Variants in FBXO36 observed in about 807,000 individuals in gnomAD.
FBXO36 encodes the protein F-box only protein 36.
Under a neutral mutation model 17.0 loss-of-function variants are expected in FBXO36, and 18 were observed. That is an observed-to-expected ratio of 1.06 (90% confidence interval 0.73 to 1.57). The LOEUF is 1.57. FBXO36 is among the 40% of genes most tolerant of loss of function. The pLI is 0.00. For missense variants in FBXO36, 229 were observed against 221.9 expected (o/e 1.03, Z -0.20); for synonymous variants, 83 against 85.3 (o/e 0.97, Z 0.15).
At chr2:229,997,520 G>A (rs1020579697) in intron 3 of FBXO36, among the ~76,000 whole-genome samples, 12 of 151,270 alleles carry the variant, frequency 7.9e-5, no homozygotes, top group Admixed American at 7.9e-4. Context: ...GGAGGTTGCA[G>A]TGAGCCAAGA....
At chr2:229,938,771 T>C (rs867839019) in intron 1 of FBXO36, among the ~76,000 whole-genome samples, 289 of 107,080 alleles carry the variant, frequency 2.7e-3, no homozygotes, top group Non-Finnish European at 4.2e-3. Context: ...TTTTTTTTTT[T>C]CCCCCGAGGC....
At chr2:229,923,106 C>G (rs576486970) in intron 1 of FBXO36, 1 of 154,344 alleles carries the variant, frequency 6.5e-6, no homozygotes, top group African/African-American at 2.4e-5. Flanking sequence ...CACATCAAAA[C>G]TTAGTTATTT....
rs537130862 is a variant in FBXO36, at chr2:229,923,806, A to G, written c.96+1197A>G. Among the ~76,000 whole-genome samples, 12 of 149,322 alleles carry G rather than the reference A, an allele frequency of 8.0e-5. No individual in the cohort carries two copies. The East Asian group carries it at 2.3e-3, about 29-fold the overall frequency. On this transcript the variant is annotated intron_variant, in intron 1 of 3. Coordinates refer to ENST00000283946, the MANE Select transcript of FBXO36 (RefSeq NM_174899.5). ...TTTTGCACATTTAGTGATGTATGAA[A>G]TACTGAAAGGTATCCTTTTCTGTAC...
intron 3 of FBXO36, among the ~76,000 whole-genome samples, chr2:230,002,790 C>A (rs1017669264): frequency 6.6e-6 from 1 of 152,122 alleles, no homozygotes; most frequent in African/African-American, 2.4e-5. Flanking sequence ...CTCAGCAAAC[C>A]AGCAGCATTA....
intron 1 of FBXO36, among the ~76,000 whole-genome samples, chr2:229,967,216 C>T (rs1412910651): frequency 2.0e-5 from 3 of 152,120 alleles, no homozygotes; most frequent in Non-Finnish European, 2.9e-5. Flanking sequence ...GTGATTTTTG[C>T]ACATTGATTT....
chr2:229,978,024 G>T (rs1334428436), intron 2 of FBXO36, among the ~76,000 whole-genome samples: 1 of 152,096 alleles, frequency 6.6e-6, no homozygotes, highest in Non-Finnish European at 1.5e-5. Context: ...GGCCAATGTG[G>T]AAGGATTAGT....
chr2:229,942,316 C>T (rs1470694479), intron 1 of FBXO36, among the ~76,000 whole-genome samples: 2 of 152,174 alleles, frequency 1.3e-5, no homozygotes, highest in Non-Finnish European at 2.9e-5. Flanking sequence ...CCGCTGTGTA[C>T]CACCCTCTGT....
At chr2:229,962,365 C>G (rs897151874) in intron 1 of FBXO36, among the ~76,000 whole-genome samples, 7 of 151,568 alleles carry the variant, frequency 4.6e-5, no homozygotes, top group African/African-American at 1.7e-4. Flanking sequence ...GGATCTTGCT[C>G]TGTCATTAAG....
chr2:229,961,860 G>C (rs2077123208), intron 1 of FBXO36, among the ~76,000 whole-genome samples: 1 of 152,024 alleles, frequency 6.6e-6, no homozygotes. Context: ...TGGCTTTAGG[G>C]CCATCAATAA....
chr2:229,928,303 T>G (rs1194472133), intron 1 of FBXO36, among the ~76,000 whole-genome samples: 2 of 152,212 alleles, frequency 1.3e-5, no homozygotes, highest in Non-Finnish European at 2.9e-5. Context: ...ACATAGCATA[T>G]CCTACTTTTT....
At chr2:229,966,768 G>A (rs1368134485) in intron 1 of FBXO36, among the ~76,000 whole-genome samples, 3 of 152,160 alleles carry the variant, frequency 2.0e-5, no homozygotes, top group Non-Finnish European at 4.4e-5. Context: ...GTACCATGCT[G>A]TTTTGGTTAC....
intron 1 of FBXO36, among the ~76,000 whole-genome samples, chr2:229,959,564 G>A (rs989250295): frequency 6.6e-6 from 1 of 152,132 alleles, no homozygotes; most frequent in African/African-American, 2.4e-5. Flanking sequence ...TGCCAAAGTA[G>A]GCTGGGCGCG....
At chr2:230,001,624 A>G (rs771489132) in intron 3 of FBXO36, among the ~76,000 whole-genome samples, 75 of 152,128 alleles carry the variant, frequency 4.9e-4, no homozygotes, top group Non-Finnish European at 7.9e-4. Context: ...TTATTAATGA[A>G]AAAAAGGCTT....
At chr2:229,951,984 C>T (rs1275060362) in intron 1 of FBXO36, among the ~76,000 whole-genome samples, 1 of 151,938 alleles carries the variant, frequency 6.6e-6, no homozygotes, top group East Asian at 1.9e-4. Flanking sequence ...ATGGCTATAA[C>T]TTGGTGAAAA....
intron 1 of FBXO36, among the ~76,000 whole-genome samples, chr2:229,971,388 A>AG (rs1329368705): frequency 6.6e-6 from 1 of 151,840 alleles, no homozygotes; most frequent in Non-Finnish European, 1.5e-5. Context: ...CAAACAAAAA[A>AG]CAAGTGATAA....
chr2:229,944,819 TC>T (rs1192397524), intron 1 of FBXO36, among the ~76,000 whole-genome samples: 1 of 152,062 alleles, frequency 6.6e-6, no homozygotes, highest in Non-Finnish European at 1.5e-5. Flanking sequence ...GGTCTCAATC[TC>T]CTGACCTCGT....
At chr2:229,991,122 G>C (rs2077295641) in intron 2 of FBXO36, among the ~76,000 whole-genome samples, 1 of 152,100 alleles carries the variant, frequency 6.6e-6, no homozygotes, top group African/African-American at 2.4e-5. Context: ...TTTTAATAGA[G>C]ATGGGGTTTC....
intron 1 of FBXO36, among the ~76,000 whole-genome samples, chr2:229,923,845 TTG>T (rs1232304911): frequency 5.1e-4 from 69 of 136,212 alleles, no homozygotes; most frequent in East Asian, 2.6e-3. Flanking sequence ...TTTTTTGGTG[TTG>T]TTTTTTTTTT....
chr2:229,966,784 C>T (rs2077155433), intron 1 of FBXO36, among the ~76,000 whole-genome samples: 1 of 152,086 alleles, frequency 6.6e-6, no homozygotes, highest in Non-Finnish European at 1.5e-5. Context: ...GTTACTGTAG[C>T]CTTGTAGTAT....
Sources: allele counts gnomAD v4.1 joint callset (sites outside exome capture counted in the v4.1 genomes callset), GRCh38; gene constraint gnomAD v4.1.1; transcripts MANE v1.5; gene names NCBI Gene and HGNC (gene_info 2026-07-23, HGNC 2026-07-21).